Variants in PRH1 observed in about 807,000 individuals in gnomAD.
PRH1 encodes proline rich protein HaeIII subfamily 1.
A neutral mutation model predicts 7.9 loss-of-function variants in PRH1; 7 were observed. The ratio of observed to expected loss-of-function variants is 0.89; its 90% CI spans 0.50 to 1.67. The LOEUF is 1.67. Ranked by LOEUF, PRH1 falls within the 40% of genes most tolerant of loss-of-function variation. PRH1 has a pLI of 0.00. For synonymous variants in PRH1, 45 were observed against 80.8 expected (o/e 0.56, Z 2.38); for missense variants, 109 against 223.6 (o/e 0.49, Z 3.27).
chr12:11,024,734 T>C (rs1397333615), intron 1 of PRH1, among the ~76,000 whole-genome samples: 2 of 152,272 alleles, frequency 1.3e-5, no homozygotes, highest in South Asian at 2.1e-4. Flanking sequence ...TTATGAATAA[T>C]GCTACAATGA....
intron 1 of PRH1, chr12:11,091,966 C>T: frequency 7.9e-7 from 1 of 1,262,864 alleles, no homozygotes. Context: ...TGATCACTGC[C>T]CAGATATTAT....
intron 1 of PRH1, among the ~76,000 whole-genome samples, chr12:10,883,621 A>G (rs949407835): frequency 1.3e-5 from 2 of 152,334 alleles, no homozygotes; most frequent in South Asian, 2.1e-4. Context: ...AATCTTACGC[A>G]TGCCATTCCC....
intron 1 of PRH1, among the ~76,000 whole-genome samples, chr12:11,013,793 G>C (rs1328511477): frequency 2.0e-5 from 3 of 152,114 alleles, no homozygotes; most frequent in Non-Finnish European, 4.4e-5. Context: ...GCAGTGGTTT[G>C]AGATTGGCTA....
chr12:10,932,584 G>T (rs74597237), intron 2 of PRH1, among the ~76,000 whole-genome samples: 2 of 152,202 alleles, frequency 1.3e-5, no homozygotes, highest in South Asian at 2.1e-4. Flanking sequence ...AGCAAAACAG[G>T]ACCAATGAAA....
chr12:11,103,460 G>C (rs1167843718), intron 1 of PRH1, among the ~76,000 whole-genome samples: 1 of 148,160 alleles, frequency 6.7e-6, no homozygotes, highest in South Asian at 2.1e-4. Context: ...AACTCCACGT[G>C]TTCTCACTCA....
chr12:11,120,102 A>G (rs1945850387), downstream of PRH1, among the ~76,000 whole-genome samples: 1 of 152,212 alleles, frequency 6.6e-6, no homozygotes, highest in South Asian at 2.1e-4. Context: ...TCTTTGAAAG[A>G]GAATTACTTT....
chr12:11,155,647 T>G (rs1281976720), intron 1 of PRH1, among the ~76,000 whole-genome samples: 1 of 152,190 alleles, frequency 6.6e-6, no homozygotes, highest in Non-Finnish European at 1.5e-5. Context: ...AGCATTATGT[T>G]GATAAAATGT....
rs1950164731 is a variant in PRH1 at position 10,929,121 on chromosome 12, C to T, written c.-59+44534G>A. The T allele has an allele frequency of 2.9e-5, 25 of 852,446 alleles. No homozygotes were observed. In the Middle Eastern group the frequency reaches 7.9e-4, roughly 27 times the overall value. 52.8% of individuals were successfully genotyped at this position (852,446 alleles called of 1,614,324 possible). A position where few individuals can be genotyped will look rare whatever the true frequency, so the allele number is the denominator to read the frequency against. On this transcript the variant is annotated intron_variant, in intron 2 of 3. Transcript: ENST00000539853. ...CAGAAGAAATGAGGGATACACTTGA[C>T]CTGAAGTAAGCAAAGCAGAACCCAG...
At chr12:10,997,062 G>A (rs1354099404) in intron 1 of PRH1, 2 of 1,613,880 alleles carry the variant, frequency 1.2e-6, no homozygotes, top group African/African-American at 2.7e-5. Context: ...TGGAATGATG[G>A]ATATATGATT....
Position 11,019,393 on chromosome 12 carries a change from C to A in PRH1, c.-126+27627G>T, listed in dbSNP as rs546329866. ...TCCACATTTACCCCTCATTGCTGCC[C>A]TGGACTTGCCTTCCCAAATAAATGT... On this transcript the variant is annotated intron_variant, in intron 1 of 3. Transcript: ENST00000539853. Among the ~76,000 whole-genome samples the A allele has an allele frequency of 2.8e-4, 42 of 152,410 alleles. No individual in the cohort carries two copies. The South Asian group carries it at 6.6e-3, about 24-fold the overall frequency.
chr12:10,930,638 C>G, intron 2 of PRH1: 1 of 1,613,158 alleles, frequency 6.2e-7, no homozygotes, highest in South Asian at 1.1e-5. Flanking sequence ...ATGAGCTCAG[C>G]TCTTCTTGTT....
At chr12:11,125,612 C>A (rs1946091329) in intron 1 of PRH1, among the ~76,000 whole-genome samples, 1 of 152,288 alleles carries the variant, frequency 6.6e-6, no homozygotes, top group African/African-American at 2.4e-5. Context: ...TGTACACATG[C>A]ATGGTATTAT....
chr12:11,165,798 T>C (rs1407216821), intron 1 of PRH1, among the ~76,000 whole-genome samples: 1 of 152,224 alleles, frequency 6.6e-6, no homozygotes, highest in East Asian at 1.9e-4. Context: ...GCCAGTAACT[T>C]GTGTTTTGGG....
intron 2 of PRH1, among the ~76,000 whole-genome samples, chr12:10,920,661 T>C (rs558280079): frequency 1.3e-3 from 200 of 152,264 alleles, no homozygotes; most frequent in African/African-American, 4.6e-3. Flanking sequence ...CCTGTTGATT[T>C]TTAAATTATC....
intron 2 of PRH1, among the ~76,000 whole-genome samples, chr12:10,922,457 T>C (rs542968403): frequency 2.0e-5 from 3 of 152,338 alleles, no homozygotes; most frequent in Admixed American, 2.0e-4. Flanking sequence ...ACTTTTTTGA[T>C]TGATTTAACA....
At chr12:11,062,064 A>G (rs1943631455) in intron 1 of PRH1, 1 of 1,613,738 alleles carries the variant, frequency 6.2e-7, no homozygotes, top group Non-Finnish European at 8.5e-7. Context: ...TTACTTCTAT[A>G]CTGTTAAAAG....
intron 2 of PRH1, chr12:10,964,914 C>G: frequency 5.1e-6 from 3 of 585,796 alleles, no homozygotes; most frequent in South Asian, 5.0e-5. Context: ...TCCATGTTTA[C>G]CACAACAAGA....
intron 1 of PRH1, among the ~76,000 whole-genome samples, chr12:11,059,756 T>G (rs941333130): frequency 6.7e-5 from 10 of 150,348 alleles, no homozygotes; most frequent in African/African-American, 2.4e-4. Flanking sequence ...TGGATAAGCC[T>G]GTAACCTTAA....
intron 1 of PRH1, among the ~76,000 whole-genome samples, chr12:11,070,346 C>T (rs1168565890): frequency 6.6e-5 from 10 of 151,840 alleles, no homozygotes; most frequent in South Asian, 2.1e-4. Context: ...AAACACACTG[C>T]GCATGCTCAC....
Sources: gnomAD v4.1 joint callset for allele counts (sites outside exome capture counted in the v4.1 genomes callset) on GRCh38, gnomAD v4.1.1 for gene constraint, MANE v1.5 for transcripts, NCBI Gene and HGNC (gene_info 2026-07-23, HGNC 2026-07-21) for gene names.